The following PRSS56 variants were observed in gnomAD, a reference collection of about 807,000 sequenced individuals.
PRSS56 encodes serine protease 56, also known as protease, serine 56.
PRSS56 carries 55 observed loss-of-function variants against 66.8 expected under a neutral mutation model. The ratio of observed to expected loss-of-function variants is 0.82; its 90% CI spans 0.66 to 1.03. PRSS56 has a LOEUF of 1.03. PRSS56 is among the 50% of genes least tolerant of loss of function. The probability of loss-of-function intolerance (pLI) is 0.00; values close to 1 mark genes in which losing one functional copy is unlikely to be tolerated. For synonymous variants in PRSS56, 409 were observed against 387.9 expected (o/e 1.05, Z -0.64); for missense variants, 869 against 837.2 (o/e 1.04, Z -0.47).
chr2:232,524,512 G>C, intron 11 of PRSS56, 143 bp downstream of exon 11: 1 of 841,106 alleles, frequency 1.2e-6, no homozygotes, highest in Non-Finnish European at 1.8e-6. Context: ...GCCATAGAGC[G>C]TATGACTCTT....
rs928717689 is a variant in PRSS56, at chr2:232,523,554, G to A, written c.988G>A (p.Asp330Asn). The change falls in exon 8 of 13, where the codon GAC becomes AAC. Residue 330 changes from aspartate (D) to asparagine (N), a missense_variant. Asp to Asn is a conservative substitution (Grantham distance 23). Coordinates refer to ENST00000617714, the MANE Select transcript of PRSS56 (RefSeq NM_001195129.2). The part of the protein sequence containing the change: ...GVYTRVAVFK[D>N]WLQEQMSASS... ...CTACACCCGCGTGGCAGTGTTCAAG[G>A]ACTGGCTCCAGGAGCAGATGAGCGG... 12 of 1,530,408 alleles carry A rather than the reference G, an allele frequency of 7.8e-6. No homozygotes were observed. The highest frequency in any genetic ancestry group is 1.9e-4 in the Middle Eastern group (1 of 5,148). The allele number at this position is 1,530,408 out of a possible 1,614,324, so 94.8% of individuals were successfully genotyped here.
In PRSS56 at chr2:232,521,446, C is replaced by G. The variant is rs770270517; in HGVS notation, c.205+18C>G. ...GTGCCGAGGTGCCCACCCTGCCCCCCGTGCCCCAGTGAGCTTGCTGCCTAC... is the reference window on the plus strand; with the variant it reads ...GTGCCGAGGTGCCCACCCTGCCCCCGGTGCCCCAGTGAGCTTGCTGCCTAC... On this transcript the variant is annotated intron_variant, in intron 2 of 12. Coordinates refer to ENST00000617714, the MANE Select transcript of PRSS56 (RefSeq NM_001195129.2). The G allele has an allele frequency of 2.0e-6, 3 of 1,526,424 alleles. No individual in the cohort carries two copies. Among genetic ancestry groups the G allele is most frequent in the South Asian group, 2.4e-5 (2 of 83,864 alleles). 94.6% of individuals were successfully genotyped at this position (1,526,424 alleles called of 1,614,324 possible).
Position 232,521,731 on chromosome 2 carries a change from G to A in PRSS56, c.206-85G>A, listed in dbSNP as rs1013669872. 1.8e-4 allele frequency: 246 copies of A among 1,348,254 alleles called. 1 individual carries two copies. Among genetic ancestry groups the A allele is most frequent in the Admixed American group, 1.7e-4 (8 of 47,724 alleles). 83.5% of individuals were successfully genotyped at this position (1,348,254 alleles called of 1,614,324 possible). On this transcript the variant is annotated intron_variant, in intron 2 of 12. Transcript: ENST00000617714. ...CTGGAGGGCTGAGCGCGAAAGGAGA[G>A]ATGGGGAGAGAGAGGCTCGGCCCAG...
intron 12 of PRSS56, 72 bp from the exon 13 acceptor site, chr2:232,525,144 A>AG: frequency 7.3e-7 from 1 of 1,374,024 alleles, no homozygotes; most frequent in Non-Finnish European, 9.6e-7. Flanking sequence ...CCAGGGGGAG[A>AG]GGGGGTGACC....
chr2:232,520,750 G>T, intron 1 of PRSS56, 55 bp downstream of exon 1: 1 of 1,253,652 alleles, frequency 8.0e-7, no homozygotes, highest in Middle Eastern at 2.1e-4. Flanking sequence ...AGAGGAAGTG[G>T]GACCCTGGGC....
In PRSS56 at chr2:232,525,492, G is replaced by T. The variant is rs534125240; in HGVS notation, c.1798G>T (p.Ala600Ser). ...HHPLNPQVPP[A>S]RQP ...CCCACTCAACCCTCAGGTACCCCCC[G>T]CCAGGCAACCCTGAGCCATGTCTGG... The change falls in exon 13 of 13, where the codon GCC (alanine) becomes TCC (serine). Residue 600 changes from alanine to serine, a missense_variant. By Grantham distance (99) the Ala-to-Ser change is moderately conservative. Transcript: ENST00000617714. The T allele has an allele frequency of 2.0e-6, 3 of 1,493,118 alleles. No individual in the cohort carries two copies. The Admixed American group carries it at 6.3e-5, about 31-fold the overall frequency. 92.5% of individuals were successfully genotyped at this position (1,493,118 alleles called of 1,614,324 possible).
chr2:232,524,901 C>T, intron 12 of PRSS56, 57 bp downstream of exon 12: 1 of 1,372,540 alleles, frequency 7.3e-7, no homozygotes, highest in East Asian at 2.5e-5. Flanking sequence ...TGAGACCCAG[C>T]CCAGGGAAGA....
chr2:232,522,374 G>T, intron 4 of PRSS56, 141 bp from the exon 5 acceptor site: 1 of 868,176 alleles, frequency 1.2e-6, no homozygotes, highest in South Asian at 2.2e-5. Context: ...CGCCCCCTCT[G>T]GGACGGGACC....
intron 4 of PRSS56, 79 bp from the exon 5 acceptor site, chr2:232,522,436 G>A (rs984541039): frequency 4.8e-6 from 6 of 1,256,552 alleles, no homozygotes; most frequent in Non-Finnish European, 6.4e-6. Context: ...CGGCATGCGG[G>A]CGGAGGGGCA....
chr2:232,525,177 G>A (rs1466022525), intron 12 of PRSS56, 39 bp from the exon 13 acceptor site: 2 of 1,435,484 alleles, frequency 1.4e-6, no homozygotes, highest in South Asian at 2.9e-5. Context: ...ACTCAGGAGT[G>A]AGTTTCTGGG....
At chr2:232,521,262 A>T in intron 1 of PRSS56, 59 bp from the exon 2 acceptor site, 1 of 1,343,932 alleles carries the variant, frequency 7.4e-7, no homozygotes, top group Non-Finnish European at 1.0e-6. Flanking sequence ...TGGGGCCAGG[A>T]GGATGAGGCT....
chr2:232,522,290 C>T, intron 4 of PRSS56, 130 bp downstream of exon 4: 1 of 991,660 alleles, frequency 1.0e-6, no homozygotes, highest in Non-Finnish European at 1.3e-6. Context: ...CGGCCCCGGG[C>T]TTCCCCATCT....
chr2:232,523,888 C>CA lies in PRSS56; in HGVS notation c.1130dup (p.Ala379ArgfsTer129), dbSNP rs1213481690. ...CTATGCCCGCCTGTGCCCGGGGTCC[C>CA]AGGGCGCCTGTGCGCGCCTGGCGCA... On this transcript the variant is annotated frameshift_variant, in exon 9 of 13. Coordinates refer to ENST00000617714, the MANE Select transcript of PRSS56 (RefSeq NM_001195129.2). LOFTEE classifies it high-confidence loss of function. The CA allele has an allele frequency of 6.6e-7, 1 of 1,525,176 alleles. No individual in the cohort carries two copies. Among genetic ancestry groups the CA allele is most frequent in the African/African-American group, 1.4e-5 (1 of 72,270 alleles). The allele number at this position is 1,525,176 out of a possible 1,614,324, so 94.5% of individuals were successfully genotyped here.
chr2:232,523,309 G>T (rs896627389), intron 7 of PRSS56, 107 bp downstream of exon 7: 2 of 1,424,224 alleles, frequency 1.4e-6, no homozygotes, highest in African/African-American at 2.9e-5. Context: ...GAGCCTCTCT[G>T]TCCTCATCCC....
Position 232,525,201 on chromosome 2 carries a change from C to T in PRSS56, c.1522-15C>T, listed in dbSNP as rs1691397428. The T allele has an allele frequency of 6.9e-7, 1 of 1,457,486 alleles. No individual in the cohort carries two copies. The highest frequency in any genetic ancestry group is 9.0e-7 in the Non-Finnish European group (1 of 1,107,372). The allele number at this position is 1,457,486 out of a possible 1,614,324, so 90.3% of individuals were successfully genotyped here. A position where few individuals can be genotyped will look rare whatever the true frequency, so the allele number is the denominator to read the frequency against. On this transcript the variant is annotated splice_polypyrimidine_tract_variant and intron_variant, in intron 12 of 12. Coordinates refer to ENST00000617714, the MANE Select transcript of PRSS56 (RefSeq NM_001195129.2). The stretch of plus-strand genomic sequence containing the variant: ...TGAGTTTCTGGGCCCCTGATCCCCA[C>T]TCCTCCATCTGTAGGTCCTGGCAGA...
intron 7 of PRSS56, 76 bp downstream of exon 7, chr2:232,523,278 T>G: frequency 1.4e-6 from 2 of 1,421,340 alleles, no homozygotes; most frequent in Non-Finnish European, 1.8e-6. Flanking sequence ...CTTCCACGTC[T>G]GTCTGTCACT....
intron 10 of PRSS56, 30 bp from the exon 11 acceptor site, chr2:232,524,277 A>T: frequency 7.2e-6 from 11 of 1,535,368 alleles, no homozygotes; most frequent in Non-Finnish European, 9.6e-6. Flanking sequence ...TTCTCCGCCG[A>T]GGCGGTACCC....
At chr2:232,521,468 C>T (rs1304429129) in intron 2 of PRSS56, 40 bp downstream of exon 2, 23 of 1,447,250 alleles carry the variant, frequency 1.6e-5, no homozygotes, top group Non-Finnish European at 2.2e-5. Context: ...AGCTTGCTGC[C>T]TACCCTGGGC....
At chr2:232,521,705 G>A in intron 2 of PRSS56, 111 bp from the exon 3 acceptor site, 1 of 1,095,812 alleles carries the variant, frequency 9.1e-7, no homozygotes, top group Non-Finnish European at 1.3e-6. Context: ...ACCCGTGTGG[G>A]CTGGAGGGCT....
Sources: gnomAD v4.1 joint callset for allele counts on GRCh38, gnomAD v4.1.1 for gene constraint, MANE v1.5 for transcripts, NCBI Gene and HGNC (gene_info 2026-07-23, HGNC 2026-07-21) for gene names.